The following HIVEP3 variants were observed in gnomAD, a reference collection of about 807,000 sequenced individuals.
HIVEP3 encodes HIVEP zinc finger 3.
A neutral mutation model predicts 152.8 loss-of-function variants in HIVEP3; 49 were observed. The observed-to-expected ratio is 0.32, with a 90% CI of 0.26 to 0.41. HIVEP3 has a LOEUF of 0.41. Among genes scored for constraint, HIVEP3 ranks in the 10% least tolerant of loss-of-function variants. The pLI, the probability that HIVEP3 is intolerant of heterozygous loss-of-function variation, is 1.00. For synonymous variants in HIVEP3, 1,269 were observed against 1,289.0 expected (o/e 0.98, Z 0.33); for missense variants, 2,790 against 3,103.3 (o/e 0.90, Z 2.40).
intron 3 of HIVEP3, among the ~76,000 whole-genome samples, chr1:41,588,461 C>G (rs1218020286): frequency 4.6e-5 from 7 of 152,122 alleles, no homozygotes; most frequent in African/African-American, 1.4e-4. Flanking sequence ...AGCCACAAGG[C>G]TCTCCTTGGC....
intron 3 of HIVEP3, among the ~76,000 whole-genome samples, chr1:41,628,104 T>C (rs976555781): frequency 3.3e-5 from 5 of 152,152 alleles, no homozygotes; most frequent in Admixed American, 3.3e-4. Flanking sequence ...TATATAAACA[T>C]AAGCTGATAC....
At chr1:41,897,940 A>G (rs951386262) in intron 1 of HIVEP3, among the ~76,000 whole-genome samples, 14 of 8,900 alleles carry the variant, frequency 1.6e-3, no homozygotes, top group Admixed American at 2.1e-3. Flanking sequence ...AGAGAGAGGG[A>G]GAGAGAGAGA....
intron 1 of HIVEP3, among the ~76,000 whole-genome samples, chr1:41,884,481 C>T (rs1338565998): frequency 6.6e-6 from 1 of 152,188 alleles, no homozygotes; most frequent in African/African-American, 2.4e-5. Context: ...GCGGCTGATG[C>T]AGAAGGACGT....
intron 1 of HIVEP3, among the ~76,000 whole-genome samples, chr1:41,992,113 A>G (rs1165909654): frequency 2.8e-5 from 4 of 140,828 alleles, no homozygotes; most frequent in Non-Finnish European, 4.6e-5. Flanking sequence ...CTCTCTCACC[A>G]CTCCTATTCA....
intron 3 of HIVEP3, among the ~76,000 whole-genome samples, chr1:41,624,038 A>G (rs1313480202): frequency 6.6e-6 from 1 of 152,180 alleles, no homozygotes; most frequent in Non-Finnish European, 1.5e-5. Flanking sequence ...TTGCTCATCA[A>G]CAACTGCTAG....
intron 1 of HIVEP3, among the ~76,000 whole-genome samples, chr1:41,728,292 G>A (rs948822749): frequency 2.0e-5 from 3 of 152,190 alleles, no homozygotes; most frequent in South Asian, 2.1e-4. Context: ...AGGAATAAAT[G>A]AGACCACACT....
intron 1 of HIVEP3, among the ~76,000 whole-genome samples, chr1:41,893,324 G>T (rs192332711): frequency 6.6e-6 from 1 of 152,272 alleles, no homozygotes; most frequent in Admixed American, 6.5e-5. Flanking sequence ...GAGAAGTCAG[G>T]CTGCTGCAAA....
intron 1 of HIVEP3, among the ~76,000 whole-genome samples, chr1:41,740,853 G>A (rs1254168563): frequency 6.6e-6 from 1 of 152,200 alleles, no homozygotes; most frequent in Non-Finnish European, 1.5e-5. Flanking sequence ...TCAGTGGGCA[G>A]AAGCATGGCT....
At chr1:41,897,046 T>C (rs889876666) in intron 1 of HIVEP3, among the ~76,000 whole-genome samples, 3 of 152,220 alleles carry the variant, frequency 2.0e-5, no homozygotes, top group African/African-American at 7.2e-5. Flanking sequence ...GGGCAAGCTT[T>C]ATTTAGGGAA....
chr1:41,585,903 C>T (rs1316532369), intron 3 of HIVEP3, among the ~76,000 whole-genome samples: 1 of 152,160 alleles, frequency 6.6e-6, no homozygotes, highest in Admixed American at 6.5e-5. Context: ...GTATTTCTCT[C>T]TGGCCCTGGG....
chr1:41,837,823 C>A (rs1171884170), intron 1 of HIVEP3, among the ~76,000 whole-genome samples: 1 of 152,204 alleles, frequency 6.6e-6, no homozygotes, highest in African/African-American at 2.4e-5. Context: ...ACCTGCCTGC[C>A]TGGCCAGTAT....
intron 1 of HIVEP3, among the ~76,000 whole-genome samples, chr1:42,028,289 A>G (rs1047423914): frequency 1.3e-5 from 2 of 152,234 alleles, no homozygotes; most frequent in African/African-American, 4.8e-5. Flanking sequence ...ACAAACATCT[A>G]GAATAGTGCC....
chr1:41,606,459 A>T (rs1157071790), intron 3 of HIVEP3, among the ~76,000 whole-genome samples: 2 of 151,954 alleles, frequency 1.3e-5, no homozygotes, highest in Non-Finnish European at 2.9e-5. Context: ...CTAAAAAGTG[A>T]AGCTAGTTAA....
At chr1:41,725,601 T>C (rs748849315) in intron 1 of HIVEP3, among the ~76,000 whole-genome samples, 5 of 152,170 alleles carry the variant, frequency 3.3e-5, no homozygotes, top group Non-Finnish European at 7.3e-5. Flanking sequence ...ATAGGACTGA[T>C]AAAGCAAACA....
intron 1 of HIVEP3, among the ~76,000 whole-genome samples, chr1:41,904,736 C>T (rs1464134088): frequency 6.6e-6 from 1 of 152,192 alleles, no homozygotes; most frequent in African/African-American, 2.4e-5. Flanking sequence ...CACCCTGGTC[C>T]ACAATCATGT....
chr1:41,593,207 T>C (rs1438636533), intron 3 of HIVEP3, among the ~76,000 whole-genome samples: 1 of 152,230 alleles, frequency 6.6e-6, no homozygotes, highest in Non-Finnish European at 1.5e-5. Context: ...CCTTGGCTCT[T>C]TCCCCTGAAT....
chr1:41,774,504 G>A (rs1345965484), intron 1 of HIVEP3, among the ~76,000 whole-genome samples: 3 of 152,130 alleles, frequency 2.0e-5, no homozygotes, highest in African/African-American at 4.8e-5. Flanking sequence ...AAGATATTTC[G>A]ATTTTCCAGA....
chr1:41,832,909 G>A (rs908792833), intron 1 of HIVEP3, among the ~76,000 whole-genome samples: 9 of 152,162 alleles, frequency 5.9e-5, no homozygotes, highest in Non-Finnish European at 8.8e-5. Flanking sequence ...CTCCCACATA[G>A]GGGTCTGGCT....
At chr1:41,666,551 T>A (rs968135478) in intron 2 of HIVEP3, among the ~76,000 whole-genome samples, 1 of 152,210 alleles carries the variant, frequency 6.6e-6, no homozygotes, top group Admixed American at 6.5e-5. Context: ...AACAGTAGCA[T>A]TGATTACTGT....
Sources: allele counts gnomAD v4.1 joint callset (sites outside exome capture counted in the v4.1 genomes callset), GRCh38; gene constraint gnomAD v4.1.1; transcripts MANE v1.5; gene names NCBI Gene and HGNC (gene_info 2026-07-23, HGNC 2026-07-21).